The following OTOF variants were observed in gnomAD, a reference collection of about 807,000 sequenced individuals.
The protein encoded by OTOF is fer-1-like family member 2.
OTOF carries 218 observed loss-of-function variants against 236.8 expected under a neutral mutation model. The observed-to-expected ratio is 0.92, with a 90% CI of 0.82 to 1.03. The LOEUF (loss-of-function observed/expected upper bound fraction) is 1.03, where lower values mean the gene tolerates loss of function less well. OTOF is among the 50% of genes least tolerant of loss of function. The pLI is 0.00. For synonymous variants in OTOF, 1,041 were observed against 1,072.5 expected (o/e 0.97, Z 0.57); for missense variants, 2,590 against 2,694.4 (o/e 0.96, Z 0.86).
At chr2:26,481,208 G>C (rs920837733) in intron 14 of OTOF, among the ~76,000 whole-genome samples, 199 bp from the exon 15 acceptor site, 1 of 152,208 alleles carries the variant, frequency 6.6e-6, no homozygotes, top group African/African-American at 2.4e-5. Context: ...TTCCCTGCGG[G>C]GGCCTGAGCT....
At chr2:26,543,477 G>A (rs1183151321) in intron 1 of OTOF, among the ~76,000 whole-genome samples, 1 of 152,158 alleles carries the variant, frequency 6.6e-6, no homozygotes, top group Non-Finnish European at 1.5e-5. Flanking sequence ...AAGCACGAGG[G>A]GGCATGGGAT....
Position 26,470,461 on chromosome 2 carries a change from G to A in OTOF, c.4023+132C>T, listed in dbSNP as rs1664920087. 3.4e-6 allele frequency: 3 copies of A among 882,524 alleles called. No individual in the cohort carries two copies. The highest frequency in any genetic ancestry group is 1.9e-6 in the Non-Finnish European group (1 of 531,462). 54.7% of individuals were successfully genotyped at this position (882,524 alleles called of 1,614,324 possible). A position where few individuals can be genotyped will look rare whatever the true frequency, so the allele number is the denominator to read the frequency against. On this transcript the variant is annotated intron_variant, in intron 32 of 46. Transcript: ENST00000272371. This position sits in a 1 kb window ranked among gnomAD's most constrained non-coding sequence, Gnocchi z 4.3. ...AGTTCTGAGCTAGGATTTCAAGGAT[G>A]TGAGACAAAACCATCCCAAACTCAC...
In OTOF at chr2:26,461,967, C is replaced by G; in HGVS notation, c.5292-30G>C. 4 of 1,613,890 alleles carry G rather than the reference C, an allele frequency of 2.5e-6. No homozygotes were observed. Among genetic ancestry groups the G allele is most frequent in the Non-Finnish European group, 3.4e-6 (4 of 1,179,966 alleles). ...GGGCGCCACATCTCCAGACCCGCAG[C>G]CAGGCTGGTGGGGCCTCTCCCACCC... On this transcript the variant is annotated intron_variant, in intron 42 of 46. Coordinates refer to ENST00000272371, the MANE Select transcript of OTOF (RefSeq NM_194248.3). The surrounding 1 kb of genome is among the most constrained non-coding windows in gnomAD (Gnocchi z 6.2).
chr2:26,467,675 C>T (rs1445687301), intron 33 of OTOF, among the ~76,000 whole-genome samples, 174 bp from the exon 34 acceptor site: 1 of 152,120 alleles, frequency 6.6e-6, no homozygotes, highest in East Asian at 1.9e-4. Flanking sequence ...TGCTGGGGGC[C>T]CCAGTGGGTT....
Position 26,489,111 on chromosome 2 carries a change from C to G in OTOF, c.1045+100G>C, listed in dbSNP as rs1220965708. 4 of 867,624 alleles carry G rather than the reference C, an allele frequency of 4.6e-6. No homozygotes were observed. The African/African-American group carries it at 6.6e-5, about 14-fold the overall frequency. The allele number at this position is 867,624 out of a possible 1,614,324, so 53.7% of individuals were successfully genotyped here. A position where few individuals can be genotyped will look rare whatever the true frequency, so the allele number is the denominator to read the frequency against. ...AACAGTCGCCAGACTGTGGTCCTTG[C>G]CAGCCTTTTCCCAGGAACTGCCACA... is the stretch of plus-strand genomic sequence containing the variant. On this transcript the variant is annotated intron_variant, in intron 11 of 46. Coordinates refer to ENST00000272371, the MANE Select transcript of OTOF (RefSeq NM_194248.3).
intron 3 of OTOF, 70 bp from the exon 4 acceptor site, chr2:26,519,179 A>C: frequency 3.8e-6 from 4 of 1,050,930 alleles, no homozygotes; most frequent in Non-Finnish European, 5.8e-6. Flanking sequence ...CTGACATCCC[A>C]AGGGCTGTGA....
chr2:26,474,570 C>A lies in OTOF; in HGVS notation c.3231G>T (p.Gln1077His), dbSNP rs1255351159. 4.3e-6 allele frequency: 7 copies of A among 1,613,204 alleles called. No homozygotes were observed. The Admixed American group carries it at 1.0e-4, about 23-fold the overall frequency. Reference protein sequence around the residue: ...PRFPPQLEYYQIYRGNATAGD... With the variant: ...PRFPPQLEYYHIYRGNATAGD... ...CAGCTGTGGCGTTGCCACGGTAGAT[C>A]TGGTAGTACTCGAGCTGAGGTGGGA... The change falls in exon 26 of 47, where the codon CAG (glutamine) becomes CAT (histidine). Residue 1077 changes from glutamine to histidine, a missense_variant. By Grantham distance (24) the Gln-to-His change is conservative (BLOSUM62 0). Coordinates refer to ENST00000272371, the MANE Select transcript of OTOF (RefSeq NM_194248.3).
At chr2:26,555,233 A>G (rs1667557186) in intron 1 of OTOF, among the ~76,000 whole-genome samples, 1 of 152,200 alleles carries the variant, frequency 6.6e-6, no homozygotes, top group Non-Finnish European at 1.5e-5. Context: ...ACTCCTGGGA[A>G]CTGCAGGCCT....
Position 26,477,889 on chromosome 2 carries a change from AT to A in OTOF, c.2215-141del. On this transcript the variant is annotated intron_variant, in intron 18 of 46. Coordinates refer to ENST00000272371, the MANE Select transcript of OTOF (RefSeq NM_194248.3). The surrounding 1 kb of genome is among the most constrained non-coding windows in gnomAD (Gnocchi z 4.7). ...GCTAGGGCCATCCTGAGTATCGGTC[AT>A]CATGAGGAAGTCATCAATTTCCCAG... 6.5e-7 allele frequency: 1 copy of A among 1,542,396 alleles called. No homozygotes were observed. The highest frequency in any genetic ancestry group is 8.8e-7 in the Non-Finnish European group (1 of 1,141,836).
At position 26,466,089 on chromosome 2, in the gene OTOF, G is replaced by A. The variant is rs758859824; in HGVS notation, c.4501-13C>T. The A allele has an allele frequency of 6.2e-7, 1 of 1,614,168 alleles. No individual in the cohort carries two copies. The highest frequency in any genetic ancestry group is 1.1e-5 in the South Asian group (1 of 91,068). On this transcript the variant is annotated splice_polypyrimidine_tract_variant and intron_variant, in intron 36 of 46. Transcript: ENST00000272371. ...GCAGGTCCGTGGCCTGGAATGGGGA[G>A]AAGGGCTGCCTGAGCAGGCTCCCAT...
In OTOF at chr2:26,518,999, G is replaced by C. The variant is rs1372291857; in HGVS notation, c.327+11C>G. ...ATGGGAAAGTCCAGGAACTCCGTGG[G>C]GCATACCCACCTTGATGATAGCATT... is the stretch of plus-strand genomic sequence containing the variant. On this transcript the variant is annotated intron_variant, in intron 4 of 46. Coordinates refer to ENST00000272371, the MANE Select transcript of OTOF (RefSeq NM_194248.3). 12 of 1,591,090 alleles carry C rather than the reference G, an allele frequency of 7.5e-6. No homozygotes were observed. Among genetic ancestry groups the C allele is most frequent in the Admixed American group, 1.7e-5 (1 of 59,102 alleles).
intron 3 of OTOF, 26 bp downstream of exon 3, chr2:26,527,800 GCCCAGC>G: frequency 6.6e-7 from 1 of 1,516,714 alleles, no homozygotes; most frequent in Non-Finnish European, 9.2e-7. Flanking sequence ...GCCCGTCCAG[GCCCAGC>G]CCCTCCTGCC....
At chr2:26,522,504 C>G (rs1254234689) in intron 3 of OTOF, among the ~76,000 whole-genome samples, 3 of 152,166 alleles carry the variant, frequency 2.0e-5, no homozygotes, top group Non-Finnish European at 4.4e-5. Flanking sequence ...CAGAGGCGAC[C>G]CTGCCCGCCG....
intron 35 of OTOF, 78 bp from the exon 36 acceptor site, chr2:26,466,929 G>A: frequency 1.3e-6 from 2 of 1,597,094 alleles, no homozygotes; most frequent in Non-Finnish European, 1.7e-6. Context: ...AGCACCAGGA[G>A]GGCTGGACCC....
rs779653541 is a variant in OTOF, at chr2:26,503,752, T to C, written c.583+20A>G. The C allele has an allele frequency of 6.2e-7, 1 of 1,608,106 alleles. No homozygotes were observed. Among genetic ancestry groups the C allele is most frequent in the African/African-American group, 1.3e-5 (1 of 74,800 alleles). On this transcript the variant is annotated intron_variant, in intron 6 of 46. Transcript: ENST00000272371. Reference sequence around the variant, plus strand: ...GCCGCGAGGCGCGGGGCTGCGGGGCTCACGCGGCACCTGTCCTACCTGGTC... The same window carrying C: ...GCCGCGAGGCGCGGGGCTGCGGGGCCCACGCGGCACCTGTCCTACCTGGTC...
rs1214452555 is a variant in OTOF, at chr2:26,475,244, G to T, written c.3126+115C>A. ...GCTTCCCAGCCAGCACCTGGCCAAG[G>T]AGCTCTGCAGGTGGGTGGCGGAGGT... On this transcript the variant is annotated intron_variant, in intron 25 of 46. Coordinates refer to ENST00000272371, the MANE Select transcript of OTOF (RefSeq NM_194248.3). The T allele has an allele frequency of 5.8e-6, 7 of 1,200,962 alleles. No individual in the cohort carries two copies. The South Asian group carries it at 7.4e-5, about 13-fold the overall frequency. 74.4% of individuals were successfully genotyped at this position (1,200,962 alleles called of 1,614,324 possible).
chr2:26,516,590 AC>A lies in OTOF; in HGVS notation c.336del (p.Cys113AlafsTer67), dbSNP rs1558510071. ...DDNNAIIKTS[L>X]CVEVRYQATD... ...GTGGCCTGATACCGGACCTCCACGC[AC>A]AGGCTGGTCTGAAGGGAGGGAGGCG... is the stretch of plus-strand genomic sequence containing the variant. On this transcript the variant is annotated frameshift_variant, in exon 5 of 47. Coordinates refer to ENST00000272371, the MANE Select transcript of OTOF (RefSeq NM_194248.3). LOFTEE classifies it high-confidence loss of function. The A allele has an allele frequency of 6.2e-7, 1 of 1,606,080 alleles. No homozygotes were observed. The highest frequency in any genetic ancestry group is 8.5e-7 in the Non-Finnish European group (1 of 1,179,940).
At chr2:26,534,048 G>A (rs969418809) in intron 2 of OTOF, among the ~76,000 whole-genome samples, 4 of 152,112 alleles carry the variant, frequency 2.6e-5, no homozygotes, top group Non-Finnish European at 5.9e-5. Context: ...TGAGGGCAGG[G>A]CTGAGTCTTG....
intron 2 of OTOF, among the ~76,000 whole-genome samples, chr2:26,529,297 T>C (rs529371902): frequency 9.6e-4 from 147 of 152,376 alleles, no homozygotes; most frequent in African/African-American, 3.4e-3. Context: ...TTTTATTTTT[T>C]AGTTCCATTT....
Sources: gnomAD v4.1 joint callset for allele counts (sites outside exome capture counted in the v4.1 genomes callset) on GRCh38, gnomAD v4.1.1 for gene constraint, Gnocchi (gnomAD v3.1) non-coding constraint, MANE v1.5 for transcripts, NCBI Gene and HGNC (gene_info 2026-07-23, HGNC 2026-07-21) for gene names.